CYB5A: variants seen among roughly 807,000 people sequenced by gnomAD.
CYB5A encodes cytochrome b5.
A neutral mutation model predicts 16.2 loss-of-function variants in CYB5A; 10 were observed. That is an observed-to-expected ratio of 0.62 (90% CI 0.38 to 1.04). The LOEUF (loss-of-function observed/expected upper bound fraction) is 1.04. CYB5A is among the 50% of genes least tolerant of loss of function. The pLI, the probability that CYB5A is intolerant of heterozygous loss-of-function variation, is 0.01. For missense variants in CYB5A, 161 were observed against 165.9 expected (o/e 0.97, Z 0.16); for synonymous variants, 62 against 57.0 (o/e 1.09, Z -0.40).
rs1981773157 is a variant in CYB5A, at chr18:74,251,427, G to C, written c.*2157C>G. The stretch of plus-strand genomic sequence containing the variant: ...GAGCTTCCAGGTCACAGAGAGGTGA[G>C]ACACAAAGGGTTGCATTCTTCTGAG... On this transcript the variant is annotated 3_prime_UTR_variant, in exon 5 of 5. Coordinates refer to ENST00000340533, the MANE Select transcript of CYB5A (RefSeq NM_148923.4). 1 of 152,276 alleles carries C rather than the reference G, an allele frequency of 6.6e-6. No homozygotes were observed. Among genetic ancestry groups the C allele is most frequent in the Non-Finnish European group, 1.5e-5 (1 of 68,116 alleles). 9.4% of individuals were successfully genotyped at this position (152,276 alleles called of 1,614,324 possible).
intron 1 of CYB5A, among the ~76,000 whole-genome samples, chr18:74,264,225 A>G (rs867060917): frequency 0.012 from 367 of 31,734 alleles, 1 homozygote; most frequent in Non-Finnish European, 0.029. Flanking sequence ...AAAAAAAAAA[A>G]AGAGAGCGAG....
At chr18:74,275,776 TA>T (rs556391919) in intron 1 of CYB5A, among the ~76,000 whole-genome samples, 1,623 of 152,120 alleles carry the variant, frequency 0.011, 22 homozygotes, top group Non-Finnish European at 0.017. Context: ...CGGGAGCTAT[TA>T]AAAAATAACC....
chr18:74,282,607 A>C (rs1458080646), intron 1 of CYB5A, among the ~76,000 whole-genome samples: 1 of 152,238 alleles, frequency 6.6e-6, no homozygotes, highest in Non-Finnish European at 1.5e-5. Context: ...TAGCAGAGGC[A>C]CAAAACGGGA....
intron 1 of CYB5A, among the ~76,000 whole-genome samples, chr18:74,289,944 GAAGAC>G (rs1799059328): frequency 6.6e-6 from 1 of 152,116 alleles, no homozygotes; most frequent in South Asian, 2.1e-4. Context: ...CGCTTTAGGA[GAAGAC>G]AAGAAAAGAA....
At chr18:74,276,777 G>A (rs1245652911) in intron 1 of CYB5A, among the ~76,000 whole-genome samples, 1 of 152,162 alleles carries the variant, frequency 6.6e-6, no homozygotes, top group Non-Finnish European at 1.5e-5. Context: ...TGTACTAAGA[G>A]GAGAGCCACT....
chr18:74,278,725 C>A (rs971714715), intron 1 of CYB5A, among the ~76,000 whole-genome samples: 5 of 152,220 alleles, frequency 3.3e-5, no homozygotes, highest in Admixed American at 2.6e-4. Flanking sequence ...AGCCTGTGAG[C>A]TGGCAATCAT....
At chr18:74,264,669 T>G (rs574986814) in intron 1 of CYB5A, among the ~76,000 whole-genome samples, 2 of 152,076 alleles carry the variant, frequency 1.3e-5, no homozygotes, top group African/African-American at 4.8e-5. Context: ...CAGGACACAA[T>G]GGAGGCACGG....
At chr18:74,263,017 T>C (rs986718574) in intron 2 of CYB5A, among the ~76,000 whole-genome samples, 5 of 151,710 alleles carry the variant, frequency 3.3e-5, no homozygotes, top group African/African-American at 1.2e-4. Flanking sequence ...GGCGTGGAGG[T>C]GTGTGCCTGT....
chr18:74,262,446 ACT>A (rs1438265122), intron 2 of CYB5A, among the ~76,000 whole-genome samples: 1 of 93,236 alleles, frequency 1.1e-5, no homozygotes, highest in Non-Finnish European at 2.2e-5. Context: ...ACAGAGCAAG[ACT>A]CTGTCTCAAA....
intron 1 of CYB5A, among the ~76,000 whole-genome samples, chr18:74,283,050 C>T (rs1383962932): frequency 6.6e-6 from 1 of 152,068 alleles, no homozygotes; most frequent in Non-Finnish European, 1.5e-5. Flanking sequence ...AACTGACTGC[C>T]CAGTGGCCAC....
rs1982162689 is a variant in CYB5A, at chr18:74,260,685, AAGT to A, written c.288+227_288+229del. Reference sequence around the variant, plus strand: ...TATATATTGATAATTATGATGAAAAAAGTAGTTTACTGACAGCCTTAAAAAAAT... The same window carrying A: ...TATATATTGATAATTATGATGAAAAAAGTTTACTGACAGCCTTAAAAAAAT... On this transcript the variant is annotated intron_variant, in intron 3 of 4. Transcript: ENST00000340533. 4 of 608,596 alleles carry A rather than the reference AAGT, an allele frequency of 6.6e-6. No homozygotes were observed. In the Admixed American group the frequency reaches 8.6e-5, roughly 13 times the overall value. The allele number at this position is 608,596 out of a possible 1,614,324, so 37.7% of individuals were successfully genotyped here. A position where few individuals can be genotyped will look rare whatever the true frequency, so the allele number is the denominator to read the frequency against.
chr18:74,276,574 G>C (rs1451156613), intron 1 of CYB5A, among the ~76,000 whole-genome samples: 1 of 148,140 alleles, frequency 6.8e-6, no homozygotes, highest in Non-Finnish European at 1.5e-5. Flanking sequence ...CCTTCTGTCA[G>C]GGTTCCACTT....
At chr18:74,283,546 G>A (rs1479258078) in intron 1 of CYB5A, among the ~76,000 whole-genome samples, 1 of 152,112 alleles carries the variant, frequency 6.6e-6, no homozygotes, top group Admixed American at 6.5e-5. Flanking sequence ...GGAAAGAAAG[G>A]CATATTTTTG....
At chr18:74,266,116 G>A (rs1568217396) in intron 1 of CYB5A, among the ~76,000 whole-genome samples, 2 of 152,190 alleles carry the variant, frequency 1.3e-5, no homozygotes, top group East Asian at 1.9e-4. Flanking sequence ...GGGAATGCAC[G>A]TTAGATGTGC....
At chr18:74,282,394 A>G (rs1788641) in intron 1 of CYB5A, among the ~76,000 whole-genome samples, 60,038 of 151,582 alleles carry the variant, frequency 0.4, 13,245 homozygotes, top group African/African-American at 0.61. Context: ...ACTAGTATGC[A>G]CTGTGTATGG....
At chr18:74,268,451 T>C (rs1164476284) in intron 1 of CYB5A, among the ~76,000 whole-genome samples, 1 of 151,882 alleles carries the variant, frequency 6.6e-6, no homozygotes, top group Non-Finnish European at 1.5e-5. Flanking sequence ...CTTTTGCGCC[T>C]CTCCAAGGAT....
At chr18:74,281,175 G>A (rs1452265632) in intron 1 of CYB5A, among the ~76,000 whole-genome samples, 1 of 152,184 alleles carries the variant, frequency 6.6e-6, no homozygotes, top group Non-Finnish European at 1.5e-5. Flanking sequence ...TTTGGCCTGA[G>A]CAGCTGGGAG....
At chr18:74,257,173 GT>G (rs1303843051) in intron 3 of CYB5A, 1 of 354,334 alleles carries the variant, frequency 2.8e-6, no homozygotes, top group Non-Finnish European at 5.2e-6. Context: ...CCACGGCGTC[GT>G]TAAAATGAGG....
rs763646055 is a variant in CYB5A, at chr18:74,280,332, G to A, written c.129+11415C>T. Among the ~76,000 whole-genome samples, 2 of 151,954 alleles carry A rather than the reference G, an allele frequency of 1.3e-5. 1 individual carries two copies. Among genetic ancestry groups the A allele is most frequent in the Non-Finnish European group, 2.9e-5 (2 of 68,014 alleles). ...TAATCCTGGCACTTTGGGAGGCCAA[G>A]GCAGGTAGACCACTTGAGCCTCAGA... On this transcript the variant is annotated intron_variant, in intron 1 of 4. Transcript: ENST00000340533.
Sources: allele counts gnomAD v4.1 joint callset (sites outside exome capture counted in the v4.1 genomes callset), GRCh38; gene constraint gnomAD v4.1.1; transcripts MANE v1.5; gene names NCBI Gene and HGNC (gene_info 2026-07-23, HGNC 2026-07-21).